PHF12: variants seen among roughly 807,000 people sequenced by gnomAD.
PHF12 encodes the protein PHD factor 1.
In PHF12, 6 loss-of-function variants were observed where a neutral mutation model predicts 99.8. The observed-to-expected ratio is 0.06, with a 90% CI of 0.03 to 0.12. The LOEUF (loss-of-function observed/expected upper bound fraction) is 0.12, where lower values mean the gene tolerates loss of function less well. Among genes scored for constraint, PHF12 ranks in the 10% least tolerant of loss-of-function variants. The pLI, the probability that PHF12 is intolerant of heterozygous loss-of-function variation, is 1.00. For missense variants in PHF12, 954 were observed against 1,300.1 expected (o/e 0.73, Z 4.09); for synonymous variants, 480 against 514.9 (o/e 0.93, Z 0.92).
intron 2 of PHF12, among the ~76,000 whole-genome samples, chr17:28,948,813 C>T (rs1037691619): frequency 7.9e-5 from 12 of 151,762 alleles, no homozygotes; most frequent in Non-Finnish European, 2.9e-5. Flanking sequence ...CACAGAACAG[C>T]CCCCTTTTCC....
Position 28,913,939 on chromosome 17 carries a change from C to T in PHF12, c.1233G>A (p.Glu411=). The T allele has an allele frequency of 6.2e-7, 1 of 1,613,758 alleles. No homozygotes were observed. The highest frequency in any genetic ancestry group is 8.5e-7 in the Non-Finnish European group (1 of 1,179,742). The change falls in exon 8 of 15, where the codon GAG becomes GAA. Residue 411 remains glutamate (E), a synonymous_variant. Coordinates refer to ENST00000332830, the MANE Select transcript of PHF12 (RefSeq NM_001033561.2). The stretch of plus-strand genomic sequence containing the variant: ...AGTTCAAAAGGTGCATCTGTGATTC[C>T]TCAGGGATCCCATTGCAGATCAGCT... ...DGELICNGIP[E]ESQMHLLNSE...
At chr17:28,927,329 T>A (rs1189351546) in intron 2 of PHF12, among the ~76,000 whole-genome samples, 4 of 152,058 alleles carry the variant, frequency 2.6e-5, no homozygotes, top group Non-Finnish European at 4.4e-5. Context: ...AACTGAGAGG[T>A]CCTCCACACT....
At chr17:28,938,917 C>T (rs954108811) in intron 2 of PHF12, among the ~76,000 whole-genome samples, 13 of 152,182 alleles carry the variant, frequency 8.5e-5, no homozygotes, top group African/African-American at 2.7e-4. Context: ...ACTTTTCTTT[C>T]AGATGGTCCC....
chr17:28,921,976 G>A (rs903001126), intron 4 of PHF12, among the ~76,000 whole-genome samples, 168 bp from the exon 5 acceptor site: 2 of 152,000 alleles, frequency 1.3e-5, no homozygotes, highest in African/African-American at 2.4e-5. Flanking sequence ...AAAAAAGAAA[G>A]ATTAGGGAGG....
intron 3 of PHF12, chr17:28,924,950 C>CAAAAAA (rs3052129): frequency 1.1e-5 from 1 of 93,684 alleles, no homozygotes; most frequent in African/African-American, 4.4e-5. Context: ...GATTCCATCT[C>CAAAAAA]AAAAAAAAAA....
At chr17:28,919,995 G>A (rs2040133903) in intron 5 of PHF12, among the ~76,000 whole-genome samples, 1 of 152,112 alleles carries the variant, frequency 6.6e-6, no homozygotes, top group Non-Finnish European at 1.5e-5. Context: ...AAAATCACTA[G>A]CAACCTTTCT....
In PHF12 at chr17:28,906,621, C is replaced by A; in HGVS notation, c.2681-104G>T. The A allele has an allele frequency of 7.5e-7, 1 of 1,331,658 alleles. No homozygotes were observed. The highest frequency in any genetic ancestry group is 1.4e-5 in the South Asian group (1 of 69,358). 82.5% of individuals were successfully genotyped at this position (1,331,658 alleles called of 1,614,324 possible). ...CTGCATCTCCCCATTCCAACTGCTGCATGACTAGGGAGGAAGGATGCTCAG... is the reference window on the plus strand; with the variant it reads ...CTGCATCTCCCCATTCCAACTGCTGAATGACTAGGGAGGAAGGATGCTCAG... On this transcript the variant is annotated intron_variant, in intron 14 of 14. Coordinates refer to ENST00000332830, the MANE Select transcript of PHF12 (RefSeq NM_001033561.2). This position sits in a 1 kb window ranked among gnomAD's most constrained non-coding sequence, Gnocchi z 4.2.
intron 13 of PHF12, 86 bp downstream of exon 13, chr17:28,907,504 C>G: frequency 7.4e-7 from 1 of 1,349,942 alleles, no homozygotes; most frequent in Non-Finnish European, 1.1e-6. Flanking sequence ...CCTCTTCCCT[C>G]CCCTCAGGGC....
At chr17:28,929,525 G>A (rs140946016) in intron 2 of PHF12, among the ~76,000 whole-genome samples, 16 of 152,296 alleles carry the variant, frequency 1.1e-4, no homozygotes, top group South Asian at 4.1e-4. Flanking sequence ...GTGTACAGGC[G>A]TGAGCCACTG....
rs1379848261 is a variant in PHF12 at position 28,906,577 on chromosome 17, G to C, written c.2681-60C>G. ...AGTGAGCAGCCAACCCATGTGGGCTGTTTGCCAAGGTTGGGCTCCTGCATC... is the reference window on the plus strand; with the variant it reads ...AGTGAGCAGCCAACCCATGTGGGCTCTTTGCCAAGGTTGGGCTCCTGCATC... On this transcript the variant is annotated intron_variant, in intron 14 of 14. Coordinates refer to ENST00000332830, the MANE Select transcript of PHF12 (RefSeq NM_001033561.2). This position sits in a 1 kb window ranked among gnomAD's most constrained non-coding sequence, Gnocchi z 4.2. 2.6e-6 allele frequency: 4 copies of C among 1,510,840 alleles called. No individual in the cohort carries two copies. Among genetic ancestry groups the C allele is most frequent in the Non-Finnish European group, 3.6e-6 (4 of 1,119,340 alleles). The allele number at this position is 1,510,840 out of a possible 1,614,324, so 93.6% of individuals were successfully genotyped here.
intron 9 of PHF12, 163 bp from the exon 10 acceptor site, chr17:28,911,400 G>T: frequency 1.0e-6 from 1 of 975,916 alleles, no homozygotes; most frequent in Non-Finnish European, 1.5e-6. Flanking sequence ...AACGTGTGGT[G>T]AGGAAGGGCA....
rs1187825922 is a variant in PHF12 at position 28,950,466 on chromosome 17, G to A, written c.67-220C>T. The A allele has an allele frequency of 5.1e-6, 3 of 593,014 alleles. No individual in the cohort carries two copies. The highest frequency in any genetic ancestry group is 6.1e-5 in the Admixed American group (2 of 32,800). The allele number at this position is 593,014 out of a possible 1,614,324, so 36.7% of individuals were successfully genotyped here. A position where few individuals can be genotyped will look rare whatever the true frequency, so the allele number is the denominator to read the frequency against. ...AACGAGAACAGCTTCTTCCAAATGG[G>A]GAGGATCAAGGGTAGGGGGATGGGA... On this transcript the variant is annotated intron_variant, in intron 1 of 14. Coordinates refer to ENST00000332830, the MANE Select transcript of PHF12 (RefSeq NM_001033561.2). The surrounding 1 kb of genome is among the most constrained non-coding windows in gnomAD (Gnocchi z 5.7).
At chr17:28,930,130 A>G (rs1432080176) in intron 2 of PHF12, among the ~76,000 whole-genome samples, 1 of 152,100 alleles carries the variant, frequency 6.6e-6, no homozygotes, top group Non-Finnish European at 1.5e-5. Context: ...CCCTACACAG[A>G]CCATACTGTT....
chr17:28,947,264 A>C (rs1006458297), intron 2 of PHF12, among the ~76,000 whole-genome samples: 4 of 152,216 alleles, frequency 2.6e-5, no homozygotes, highest in Non-Finnish European at 4.4e-5. Flanking sequence ...TACAGGCGTG[A>C]GCCACAGCAC....
At chr17:28,940,512 G>A (rs1405022807) in intron 2 of PHF12, among the ~76,000 whole-genome samples, 1 of 152,216 alleles carries the variant, frequency 6.6e-6, no homozygotes, top group Non-Finnish European at 1.5e-5. Context: ...TAGTAGTCAA[G>A]TTCCTTCCTG....
intron 2 of PHF12, among the ~76,000 whole-genome samples, chr17:28,940,354 G>C (rs2040591738): frequency 6.6e-6 from 1 of 152,218 alleles, no homozygotes; most frequent in African/African-American, 2.4e-5. Flanking sequence ...TATGTAGTAC[G>C]ATTGTAGCAA....
intron 2 of PHF12, 139 bp from the exon 3 acceptor site, chr17:28,927,202 C>T (rs1202013256): frequency 8.4e-6 from 6 of 713,746 alleles, no homozygotes; most frequent in Non-Finnish European, 1.4e-5. Context: ...TCCAAAATGC[C>T]TAAGTCAGCA....
intron 11 of PHF12, 152 bp from the exon 12 acceptor site, chr17:28,909,033 G>A: frequency 3.0e-6 from 2 of 676,348 alleles, no homozygotes; most frequent in Non-Finnish European, 5.1e-6. Flanking sequence ...ACTGAGCTGC[G>A]GCAGGGTAAG....
At chr17:28,908,546 C>A in intron 12 of PHF12, 1 of 514,622 alleles carries the variant, frequency 1.9e-6, no homozygotes, top group Non-Finnish European at 3.5e-6. Flanking sequence ...TCTCGAAGTC[C>A]TGGGCTCAAG....
Sources: gnomAD v4.1 joint callset for allele counts (sites outside exome capture counted in the v4.1 genomes callset) on GRCh38, gnomAD v4.1.1 for gene constraint, Gnocchi (gnomAD v3.1) non-coding constraint, MANE v1.5 for transcripts, NCBI Gene and HGNC (gene_info 2026-07-23, HGNC 2026-07-21) for gene names.